Variants in ZNF521 observed in about 807,000 individuals in gnomAD.
The protein encoded by ZNF521 is LYST-interacting protein 3.
In ZNF521, 14 loss-of-function variants were observed where a neutral mutation model predicts 105.5. The observed-to-expected ratio is 0.13, with a 90% confidence interval of 0.09 to 0.21. The LOEUF (loss-of-function observed/expected upper bound fraction) is 0.21, where lower values mean the gene tolerates loss of function less well. ZNF521 is among the 10% of genes least tolerant of loss of function. The pLI, the probability that ZNF521 is intolerant of heterozygous loss-of-function variation, is 1.00. For missense variants in ZNF521, 1,233 were observed against 1,629.7 expected (o/e 0.76, Z 4.19); for synonymous variants, 635 against 606.0 (o/e 1.05, Z -0.70).
intron 3 of ZNF521, among the ~76,000 whole-genome samples, chr18:25,268,475 T>C (rs1043329238): frequency 6.6e-6 from 1 of 152,002 alleles, no homozygotes; most frequent in Admixed American, 6.6e-5. Context: ...AGACACATAA[T>C]CGTCAGATTC....
chr18:25,136,914 T>C (rs374945001), intron 5 of ZNF521, among the ~76,000 whole-genome samples: 10 of 152,080 alleles, frequency 6.6e-5, no homozygotes, highest in African/African-American at 2.4e-4. Context: ...AATGTGGTTG[T>C]TGGACTGGGG....
chr18:25,297,230 C>T (rs562508479), intron 3 of ZNF521, among the ~76,000 whole-genome samples: 1 of 151,820 alleles, frequency 6.6e-6, no homozygotes, highest in Admixed American at 6.6e-5. Context: ...ATGTAACACA[C>T]TAGATATACG....
intron 2 of ZNF521, among the ~76,000 whole-genome samples, chr18:25,326,487 C>A (rs886161899): frequency 6.6e-6 from 1 of 152,188 alleles, no homozygotes; most frequent in Admixed American, 6.5e-5. Flanking sequence ...CATCGCAAAA[C>A]AACTGCCTCA....
chr18:25,117,343 C>T (rs149308852), intron 5 of ZNF521, among the ~76,000 whole-genome samples: 6 of 152,094 alleles, frequency 3.9e-5, no homozygotes, highest in East Asian at 1.9e-4. Flanking sequence ...TATCAGCCTC[C>T]TCTGGAAGAA....
intron 3 of ZNF521, among the ~76,000 whole-genome samples, chr18:25,240,278 G>A (rs933619804): frequency 2.6e-5 from 4 of 152,236 alleles, no homozygotes; most frequent in Admixed American, 6.5e-5. Flanking sequence ...GACGTCACAT[G>A]AGGCACTTCT....
chr18:25,233,628 G>C (rs956404428), intron 3 of ZNF521, among the ~76,000 whole-genome samples: 14 of 147,548 alleles, frequency 9.5e-5, no homozygotes, highest in African/African-American at 3.5e-4. Flanking sequence ...ACAGTCTTAA[G>C]ATGAATTCCA....
At chr18:25,212,541 ATATAT>A (rs1568012296) in intron 4 of ZNF521, among the ~76,000 whole-genome samples, 11 of 92,138 alleles carry the variant, frequency 1.2e-4, no homozygotes, top group South Asian at 3.9e-4. Flanking sequence ...AAAAAAAAAT[ATATAT>A]ATATATATAT....
intron 3 of ZNF521, among the ~76,000 whole-genome samples, chr18:25,270,129 T>C (rs55810971): frequency 0.3 from 44,846 of 152,020 alleles, 6,833 homozygotes; most frequent in South Asian, 0.4. Flanking sequence ...GAAATAACAA[T>C]TCCCATCAGA....
chr18:25,133,439 G>A (rs76706672), intron 5 of ZNF521, among the ~76,000 whole-genome samples: 1,846 of 152,252 alleles, frequency 0.012, 39 homozygotes, highest in African/African-American at 0.041. Context: ...GTAACAATCT[G>A]TGACTATTTC....
At chr18:25,071,396 G>A (rs967144259) in intron 7 of ZNF521, among the ~76,000 whole-genome samples, 40 of 152,176 alleles carry the variant, frequency 2.6e-4, no homozygotes, top group Admixed American at 7.9e-4. Flanking sequence ...AAGATGGTAC[G>A]TTTTAGTGGC....
intron 4 of ZNF521, among the ~76,000 whole-genome samples, chr18:25,199,490 G>T (rs1305300698): frequency 1.3e-5 from 2 of 151,856 alleles, no homozygotes; most frequent in African/African-American, 4.8e-5. Flanking sequence ...TTTTAGATGT[G>T]ATAATGGTAT....
At chr18:25,246,038 G>A (rs774330300) in intron 3 of ZNF521, among the ~76,000 whole-genome samples, 9 of 151,848 alleles carry the variant, frequency 5.9e-5, no homozygotes, top group Non-Finnish European at 1.0e-4. Context: ...CATGCTAACC[G>A]ATTGCGCCAC....
In ZNF521 at chr18:25,226,347, G is replaced by A. The variant is rs1316126165; in HGVS notation, c.1571C>T (p.Thr524Ile). 6.2e-7 allele frequency: 1 copy of A among 1,614,186 alleles called. No homozygotes were observed. Among genetic ancestry groups the A allele is most frequent in the Non-Finnish European group, 8.5e-7 (1 of 1,180,030 alleles). Residue 524 changes from threonine to isoleucine, a missense_variant, in exon 4 of 8, where the codon ACT becomes ATT. Coordinates refer to ENST00000361524, the MANE Select transcript of ZNF521 (RefSeq NM_015461.3). This position sits in a 1 kb window ranked among gnomAD's most constrained non-coding sequence, Gnocchi z 4.1. ...FCPHCYMGFL[T>I]DSSLEEHIRQ... ...AATATGCTCTTCCAGGGAAGAGTCA[G>A]TGAGAAACCCCATATAGCAATGGGG...
rs747830346 is a variant in ZNF521, at chr18:25,129,246, G to GAATAAT, written c.3659-37171_3659-37166dup. Among the ~76,000 whole-genome samples, 76 of 127,418 alleles carry GAATAAT rather than the reference G, an allele frequency of 6.0e-4. 1 individual carries two copies. Among genetic ancestry groups the GAATAAT allele is most frequent in the South Asian group, 1.3e-3 (5 of 3,860 alleles). The allele number at this position is 127,418 out of a possible 152,430, so 83.6% of individuals were successfully genotyped here. A position where few individuals can be genotyped will look rare whatever the true frequency, so the allele number is the denominator to read the frequency against. On this transcript the variant is annotated intron_variant, in intron 5 of 7. Coordinates refer to ENST00000361524, the MANE Select transcript of ZNF521 (RefSeq NM_015461.3). ...GATGCTAGAACTAGACTTTCACACG[G>GAATAAT]AATAATAATAATAATAATAATTATT...
intron 5 of ZNF521, among the ~76,000 whole-genome samples, chr18:25,123,698 A>G (rs760698508): frequency 2.0e-5 from 3 of 152,204 alleles, no homozygotes; most frequent in Non-Finnish European, 4.4e-5. Context: ...ATTAACATTC[A>G]TAAAAATACA....
intron 5 of ZNF521, among the ~76,000 whole-genome samples, chr18:25,143,313 G>A (rs1286315207): frequency 6.6e-6 from 1 of 152,084 alleles, no homozygotes; most frequent in African/African-American, 2.4e-5. Flanking sequence ...ATGTCAAGCT[G>A]GTAAGAGACG....
chr18:25,091,572 C>T (rs572962430), intron 6 of ZNF521, among the ~76,000 whole-genome samples: 4 of 152,084 alleles, frequency 2.6e-5, no homozygotes, highest in East Asian at 1.9e-4. Flanking sequence ...GCTGACAACA[C>T]GGCTGCACTT....
intron 4 of ZNF521, among the ~76,000 whole-genome samples, chr18:25,213,861 T>G (rs889346533): frequency 3.9e-5 from 6 of 152,160 alleles, no homozygotes; most frequent in African/African-American, 1.4e-4. Flanking sequence ...CATATTATTC[T>G]AAGATGGTTT....
chr18:25,080,251 T>C (rs2033463511), intron 7 of ZNF521, among the ~76,000 whole-genome samples: 1 of 152,188 alleles, frequency 6.6e-6, no homozygotes, highest in Non-Finnish European at 1.5e-5. Context: ...CAGTTTAAAA[T>C]TTCACCACTA....
Sources: gnomAD v4.1 joint callset for allele counts (sites outside exome capture counted in the v4.1 genomes callset) on GRCh38, gnomAD v4.1.1 for gene constraint, Gnocchi (gnomAD v3.1) non-coding constraint, MANE v1.5 for transcripts, NCBI Gene and HGNC (gene_info 2026-07-23, HGNC 2026-07-21) for gene names.